The following PTPN4 variants were observed in gnomAD, a reference collection of about 807,000 sequenced individuals.
PTPN4 encodes the protein tyrosine-protein phosphatase non-receptor type 4.
Under a neutral mutation model 135.5 loss-of-function variants are expected in PTPN4, and 49 were observed. The observed-to-expected ratio is 0.36, with a 90% CI of 0.29 to 0.46. The LOEUF (loss-of-function observed/expected upper bound fraction) is 0.46. Ranked by LOEUF, PTPN4 falls within the 20% of genes least tolerant of loss-of-function variation. The pLI, the probability that PTPN4 is intolerant of heterozygous loss-of-function variation, is 1.00. For missense variants in PTPN4, 860 were observed against 1,101.0 expected (o/e 0.78, Z 3.10); for synonymous variants, 333 against 369.9 (o/e 0.90, Z 1.14).
intron 1 of PTPN4, 80 bp from the exon 2 acceptor site, chr2:119,809,757 A>G (rs1691543233): frequency 2.5e-6 from 3 of 1,221,662 alleles, no homozygotes; most frequent in Non-Finnish European, 3.3e-6. Context: ...ATTGAGAAAT[A>G]TATAATAACT....
chr2:119,963,901 C>G (rs1418637595), intron 24 of PTPN4, among the ~76,000 whole-genome samples: 1 of 152,160 alleles, frequency 6.6e-6, no homozygotes, highest in Non-Finnish European at 1.5e-5. Context: ...TTATCCATGA[C>G]AGTTTTATAT....
At chr2:119,794,772 G>C (rs957058676) in intron 1 of PTPN4, among the ~76,000 whole-genome samples, 12 of 152,198 alleles carry the variant, frequency 7.9e-5, no homozygotes, top group African/African-American at 2.9e-4. Flanking sequence ...TTGTGTTACA[G>C]CTCTTTTAAG....
intron 19 of PTPN4, 142 bp from the exon 20 acceptor site, chr2:119,955,015 C>A: frequency 1.4e-6 from 1 of 724,922 alleles, no homozygotes; most frequent in Non-Finnish European, 2.1e-6. Flanking sequence ...CCCATAGTGA[C>A]ACCAGACTCA....
intron 1 of PTPN4, among the ~76,000 whole-genome samples, chr2:119,776,735 G>A (rs570071758): frequency 2.0e-5 from 3 of 152,244 alleles, no homozygotes; most frequent in South Asian, 4.1e-4. Context: ...TTTTCTCTTC[G>A]TTAGGATTCT....
intron 2 of PTPN4, among the ~76,000 whole-genome samples, chr2:119,851,545 C>T (rs1167686043): frequency 6.6e-6 from 1 of 152,132 alleles, no homozygotes; most frequent in Non-Finnish European, 1.5e-5. Flanking sequence ...CCCTTCTTAC[C>T]CTTTGGAAGT....
At chr2:119,928,169 T>C (rs1403367383) in intron 13 of PTPN4, among the ~76,000 whole-genome samples, 1 of 152,180 alleles carries the variant, frequency 6.6e-6, no homozygotes, top group Non-Finnish European at 1.5e-5. Flanking sequence ...TCGTGCACAT[T>C]TTCTTTGCTG....
intron 10 of PTPN4, among the ~76,000 whole-genome samples, chr2:119,909,469 A>G (rs1678536656): frequency 6.6e-6 from 1 of 152,190 alleles, no homozygotes; most frequent in Non-Finnish European, 1.5e-5. Context: ...CTTTCTGAAT[A>G]TTACTGCCCA....
At chr2:119,801,860 G>A (rs1558730274) in intron 1 of PTPN4, among the ~76,000 whole-genome samples, 1 of 144,082 alleles carries the variant, frequency 6.9e-6, no homozygotes, top group Non-Finnish European at 1.5e-5. Flanking sequence ...ATTCCTGTAT[G>A]CTATTTCTTT....
intron 1 of PTPN4, among the ~76,000 whole-genome samples, chr2:119,795,402 C>T (rs1423554914): frequency 1.3e-5 from 2 of 152,234 alleles, no homozygotes; most frequent in African/African-American, 4.8e-5. Flanking sequence ...CGCCTGCAGG[C>T]CAGTGCTAAG....
chr2:119,982,410 C>T lies in PTPN4; in HGVS notation c.*5340C>T, dbSNP rs1456752214. On this transcript the variant is annotated 3_prime_UTR_variant, in exon 27 of 27. Coordinates refer to ENST00000263708, the MANE Select transcript of PTPN4 (RefSeq NM_002830.4). ...TACTCTATTTGTTTTAAAGTCTACA[C>T]GGGATTGAAAAGAAAGGGAAGAGTA... 2 of 151,874 alleles carry T rather than the reference C, an allele frequency of 1.3e-5. No individual in the cohort carries two copies. The highest frequency in any genetic ancestry group is 2.9e-5 in the Non-Finnish European group (2 of 67,988). 9.4% of individuals were successfully genotyped at this position (151,874 alleles called of 1,614,324 possible).
intron 14 of PTPN4, among the ~76,000 whole-genome samples, chr2:119,934,569 G>C (rs144822193): frequency 2.8e-4 from 42 of 152,248 alleles, no homozygotes; most frequent in African/African-American, 1.0e-3. Flanking sequence ...AGAGATAGTA[G>C]GTAACTTTAT....
intron 10 of PTPN4, among the ~76,000 whole-genome samples, chr2:119,906,787 T>C (rs528272581): frequency 2.8e-4 from 42 of 152,306 alleles, no homozygotes; most frequent in Non-Finnish European, 5.4e-4. Flanking sequence ...ACCACTCTTA[T>C]TCAACATAGG....
At chr2:119,760,450 C>T (rs1344950431) in intron 1 of PTPN4, 66 bp downstream of exon 1, 1 of 389,070 alleles carries the variant, frequency 2.6e-6, no homozygotes, top group Non-Finnish European at 4.5e-6. Flanking sequence ...CTCTTACCTG[C>T]ATGTGTGGCT....
chr2:119,775,774 A>G (rs1311864644), intron 1 of PTPN4, among the ~76,000 whole-genome samples: 1 of 152,168 alleles, frequency 6.6e-6, no homozygotes, highest in African/African-American at 2.4e-5. Flanking sequence ...CAACAGAGTC[A>G]GTCAGGGAAC....
intron 22 of PTPN4, 124 bp downstream of exon 22, chr2:119,957,201 T>G: frequency 1.1e-6 from 1 of 884,590 alleles, no homozygotes; most frequent in South Asian, 1.9e-5. Context: ...TGAAAAATAT[T>G]ATTGAAGTAA....
intron 9 of PTPN4, among the ~76,000 whole-genome samples, chr2:119,895,738 G>A (rs1166379613): frequency 6.6e-6 from 1 of 152,112 alleles, no homozygotes; most frequent in African/African-American, 2.4e-5. Flanking sequence ...TGGCTAACAC[G>A]GTGAAACCCC....
intron 1 of PTPN4, among the ~76,000 whole-genome samples, chr2:119,773,301 C>T (rs957371735): frequency 2.6e-5 from 4 of 152,006 alleles, no homozygotes; most frequent in Non-Finnish European, 5.9e-5. Flanking sequence ...GTTTGAACAA[C>T]ATGGATTTGA....
At chr2:119,795,697 CTG>C (rs938081824) in intron 1 of PTPN4, among the ~76,000 whole-genome samples, 35 of 152,376 alleles carry the variant, frequency 2.3e-4, no homozygotes, top group African/African-American at 8.4e-4. Context: ...GGGTCCACAA[CTG>C]TAACTTTTGC....
intron 15 of PTPN4, among the ~76,000 whole-genome samples, chr2:119,938,215 C>T (rs1219769107): frequency 6.7e-6 from 1 of 148,424 alleles, no homozygotes; most frequent in Non-Finnish European, 1.5e-5. Context: ...GCAAGCTCTA[C>T]CTCCCGGGTT....
Sources: allele counts gnomAD v4.1 joint callset (sites outside exome capture counted in the v4.1 genomes callset), GRCh38; gene constraint gnomAD v4.1.1; transcripts MANE v1.5; gene names NCBI Gene and HGNC (gene_info 2026-07-23, HGNC 2026-07-21).